TXK: variants seen among roughly 807,000 people sequenced by gnomAD.
The protein encoded by TXK is tyrosine-protein kinase TXK.
In TXK, 60 loss-of-function variants were observed where a neutral mutation model predicts 81.0. The observed-to-expected ratio is 0.74, with a 90% CI of 0.60 to 0.92. The LOEUF is 0.92. Among genes scored for constraint, TXK ranks in the 40% least tolerant of loss-of-function variants. TXK has a pLI of 0.00. For missense variants in TXK, 581 were observed against 638.3 expected, an observed-to-expected ratio of 0.91 and a Z score of 0.97; for synonymous variants, 203 against 210.7, an observed-to-expected ratio of 0.96 and a Z score of 0.32.
Position 48,067,501 on chromosome 4 carries a change from GT to G in TXK, c.*135del, listed in dbSNP as rs1294581520. On this transcript the variant is annotated 3_prime_UTR_variant, in exon 15 of 15. Coordinates refer to ENST00000264316, the MANE Select transcript of TXK (RefSeq NM_003328.3). ...TAAATTTTTAAAACTTTTAAAAACTGTGATCTTTGCACTGTTTTCAAGAGTC... is the reference window on the plus strand; with the variant it reads ...TAAATTTTTAAAACTTTTAAAAACTGGATCTTTGCACTGTTTTCAAGAGTC... 46 of 884,772 alleles carry G rather than the reference GT, an allele frequency of 5.2e-5. No homozygotes were observed. Among genetic ancestry groups the G allele is most frequent in the Middle Eastern group, 4.5e-4 (2 of 4,410 alleles). The allele number at this position is 884,772 out of a possible 1,614,324, so 54.8% of individuals were successfully genotyped here.
chr4:48,102,567 C>A (rs1718238935), intron 6 of TXK, among the ~76,000 whole-genome samples: 1 of 152,210 alleles, frequency 6.6e-6, no homozygotes, highest in Admixed American at 6.5e-5. Flanking sequence ...CGTTTTGAAT[C>A]ATGTTTTGAA....
chr4:48,130,238 G>T (rs1009479915), intron 1 of TXK, among the ~76,000 whole-genome samples: 1 of 152,106 alleles, frequency 6.6e-6, no homozygotes, highest in African/African-American at 2.4e-5. Context: ...GTTATCTATT[G>T]TTGGAAACAA....
Position 48,071,541 on chromosome 4 carries a change from T to A in TXK, c.1491A>T (p.Glu497Asp). ...CCTCATGCCAGCAGCTGTACATGAC[T>A]TCATATATGGACATTGGTGCCAGGT... ...RPHLAPMSIY[E>D]VMYSCWHEKP... The change falls in exon 14 of 15, where the codon GAA becomes GAT. Residue 497 changes from glutamate to aspartate, a missense_variant. Physicochemically the swap from Glu to Asp is conservative, Grantham distance 45 (BLOSUM62 2). Transcript: ENST00000264316. 6.2e-7 allele frequency: 1 copy of A among 1,614,064 alleles called. No individual in the cohort carries two copies.
chr4:48,115,712 A>G (rs748088151), intron 1 of TXK, among the ~76,000 whole-genome samples: 1 of 152,004 alleles, frequency 6.6e-6, no homozygotes, highest in Non-Finnish European at 1.5e-5. Flanking sequence ...AAAATTAGCC[A>G]GGCATGGTGG....
At chr4:48,131,092 A>T (rs1290139380) in intron 1 of TXK, among the ~76,000 whole-genome samples, 1 of 152,156 alleles carries the variant, frequency 6.6e-6, no homozygotes, top group East Asian at 1.9e-4. Flanking sequence ...TCTCAGGGCA[A>T]CTGTGAGTTG....
In TXK at chr4:48,074,043, C is replaced by A; in HGVS notation, c.1249G>T (p.Asp417Tyr). ...CCAAAAGAACTGACATACTCATCAT[C>A]CAAAACGTACCTAAGTTTATCAGAT... ...SDFGMTRYVL[D>Y]DEYVSSFGAK... is the part of the protein sequence containing the mutation. Residue 417 changes from aspartate to tyrosine, a missense_variant, in exon 13 of 15, where the codon GAT becomes TAT. Physicochemically the swap from Asp to Tyr is radical, Grantham distance 160. Coordinates refer to ENST00000264316, the MANE Select transcript of TXK (RefSeq NM_003328.3). 1 of 1,612,038 alleles carries A rather than the reference C, an allele frequency of 6.2e-7. No homozygotes were observed. The highest frequency in any genetic ancestry group is 8.5e-7 in the Non-Finnish European group (1 of 1,178,320).
chr4:48,134,219 G>T lies in TXK; in HGVS notation c.-49C>A. The T allele has an allele frequency of 1.2e-6, 2 of 1,606,140 alleles. No individual in the cohort carries two copies. The highest frequency in any genetic ancestry group is 2.2e-5 in the East Asian group (1 of 44,788). ...CACAACAGTCTTCAGTTCTTCTGCG[G>T]TGCTCTACTCACAAAAACACATCTT... is the stretch of plus-strand genomic sequence containing the variant. On this transcript the variant is annotated 5_prime_UTR_variant, in exon 1 of 15. Transcript: ENST00000264316.
chr4:48,120,773 G>A (rs1323846448), intron 1 of TXK, among the ~76,000 whole-genome samples: 1 of 152,056 alleles, frequency 6.6e-6, no homozygotes, highest in African/African-American at 2.4e-5. Context: ...TTAAAGGCAT[G>A]AGCCAGTCCT....
At chr4:48,097,990 G>T (rs903365041) in intron 6 of TXK, among the ~76,000 whole-genome samples, 3 of 151,790 alleles carry the variant, frequency 2.0e-5, no homozygotes, top group African/African-American at 7.3e-5. Context: ...CTTGCGATCC[G>T]CCCGCCTCGG....
intron 6 of TXK, 134 bp from the exon 7 acceptor site, chr4:48,095,356 A>G: frequency 1.6e-6 from 1 of 637,544 alleles, no homozygotes; most frequent in East Asian, 2.8e-5. Context: ...ATGAAGAATT[A>G]GATTGTCTTT....
rs1718625594 is a variant in TXK, at chr4:48,111,259, G to C, written c.381-656C>G. 1.3e-5 allele frequency among the ~76,000 whole-genome samples: 2 copies of C among 152,156 alleles called. 1 individual carries two copies. The highest frequency in any genetic ancestry group is 4.1e-4 in the South Asian group (2 of 4,830). On this transcript the variant is annotated intron_variant, in intron 4 of 14. Coordinates refer to ENST00000264316, the MANE Select transcript of TXK (RefSeq NM_003328.3). ...ACATATTATTGAGAAATAAAAGTAA[G>C]TTGCAGAATCATGCAGAAAGTAAGA...
intron 10 of TXK, 81 bp downstream of exon 10, chr4:48,086,385 T>C: frequency 7.0e-7 from 1 of 1,431,096 alleles, no homozygotes; most frequent in Non-Finnish European, 9.7e-7. Context: ...CAAATCCAGG[T>C]GTGGCTGCCT....
At chr4:48,113,965 C>T (rs1172397496) in intron 2 of TXK, among the ~76,000 whole-genome samples, 1 of 152,146 alleles carries the variant, frequency 6.6e-6, no homozygotes, top group Non-Finnish European at 1.5e-5. Flanking sequence ...GAGTCATTTA[C>T]TGCCACCAAA....
intron 14 of TXK, among the ~76,000 whole-genome samples, chr4:48,068,020 A>C (rs1164533902): frequency 6.6e-6 from 1 of 152,204 alleles, no homozygotes; most frequent in Non-Finnish European, 1.5e-5. Flanking sequence ...GTGAGGCGTG[A>C]ATATGAAAAT....
chr4:48,076,344 A>T, intron 12 of TXK, 58 bp downstream of exon 12: 2 of 1,254,406 alleles, frequency 1.6e-6, no homozygotes, highest in Non-Finnish European at 2.2e-6. Flanking sequence ...CAAATGTAAG[A>T]TTCCCTCTTA....
rs552670279 is a variant in TXK at position 48,129,220 on chromosome 4, AC to A, written c.16+4934del. The stretch of plus-strand genomic sequence containing the variant: ...TGTGTCTGTGTTCGCACGTGTGTGC[AC>A]TTTTCCTTTTGATACTAAAATGTCC... On this transcript the variant is annotated intron_variant, in intron 1 of 14. Transcript: ENST00000264316. Among the ~76,000 whole-genome samples the A allele has an allele frequency of 3.2e-3, 489 of 152,330 alleles. 2 individuals carry two copies. The highest frequency in any genetic ancestry group is 0.011 in the African/African-American group (474 of 41,576).
intron 5 of TXK, among the ~76,000 whole-genome samples, chr4:48,109,048 T>C (rs976025488): frequency 6.6e-6 from 1 of 152,202 alleles, no homozygotes; most frequent in African/African-American, 2.4e-5. Context: ...GAGATTTTCA[T>C]ATAATATCTG....
chr4:48,071,339 A>T (rs80255678), intron 14 of TXK, among the ~76,000 whole-genome samples, 178 bp downstream of exon 14: 22,693 of 152,198 alleles, frequency 0.15, 1,994 homozygotes, highest in East Asian at 0.36. Context: ...GTTCAAAACA[A>T]AATGGATTCA....
intron 6 of TXK, among the ~76,000 whole-genome samples, chr4:48,100,115 T>A (rs1718134427): frequency 7.9e-6 from 1 of 127,270 alleles, no homozygotes; most frequent in Non-Finnish European, 1.6e-5. Flanking sequence ...GAGCTTGCAG[T>A]GAGCGGAGAT....
Sources: allele counts gnomAD v4.1 joint callset (sites outside exome capture counted in the v4.1 genomes callset), GRCh38; gene constraint gnomAD v4.1.1; transcripts MANE v1.5; gene names NCBI Gene and HGNC (gene_info 2026-07-23, HGNC 2026-07-21).